Variants in GRIK2 observed in about 807,000 individuals in gnomAD.
The protein encoded by GRIK2 is glutamate ionotropic receptor kainate type subunit 2, also known as glutamate receptor ionotropic, kainate 2.
In GRIK2, 32 loss-of-function variants were observed where a neutral mutation model predicts 100.3. The observed-to-expected ratio is 0.32, with a 90% CI of 0.24 to 0.43. The LOEUF (loss-of-function observed/expected upper bound fraction) is 0.43. Ranked by LOEUF, GRIK2 falls within the 20% of genes least tolerant of loss-of-function variation. The pLI is 1.00. For missense variants in GRIK2, 843 were observed against 1,114.9 expected (o/e 0.76, Z 3.47); for synonymous variants, 417 against 389.4 (o/e 1.07, Z -0.83).
intron 4 of GRIK2, among the ~76,000 whole-genome samples, chr6:101,639,184 G>A (rs770051644): frequency 2.0e-5 from 3 of 151,940 alleles, no homozygotes; most frequent in Non-Finnish European, 4.4e-5. Flanking sequence ...CTACAGGCAC[G>A]TGCCACCATG....
chr6:101,600,192 T>C (rs1779138614), intron 2 of GRIK2, among the ~76,000 whole-genome samples: 1 of 151,816 alleles, frequency 6.6e-6, no homozygotes, highest in Non-Finnish European at 1.5e-5. Flanking sequence ...TCAACTTTGT[T>C]GAAGATCAGA....
chr6:101,686,492 C>A, intron 7 of GRIK2, 139 bp downstream of exon 7: 1 of 595,950 alleles, frequency 1.7e-6, no homozygotes, highest in Admixed American at 3.0e-5. Context: ...AGCTACAATG[C>A]AAATACTTGT....
At chr6:101,518,841 TG>T (rs1375325513) in intron 2 of GRIK2, among the ~76,000 whole-genome samples, 1 of 152,144 alleles carries the variant, frequency 6.6e-6, no homozygotes, top group Non-Finnish European at 1.5e-5. Context: ...AAGTGCTCCT[TG>T]ATTTAGAATC....
intron 14 of GRIK2, among the ~76,000 whole-genome samples, chr6:101,961,169 C>T (rs1386202910): frequency 6.6e-6 from 1 of 152,152 alleles, no homozygotes; most frequent in Non-Finnish European, 1.5e-5. Context: ...TTCAGATAGA[C>T]ATTGTAGTTC....
chr6:101,975,364 C>T (rs946490224), intron 14 of GRIK2, among the ~76,000 whole-genome samples: 1 of 151,828 alleles, frequency 6.6e-6, no homozygotes, highest in African/African-American at 2.4e-5. Flanking sequence ...GCACTTAATT[C>T]ACCAAGATTT....
At chr6:101,541,377 CACACACACACACACACACACACA>C (rs1775981489) in intron 2 of GRIK2, among the ~76,000 whole-genome samples, 2 of 145,234 alleles carry the variant, frequency 1.4e-5, no homozygotes, top group Non-Finnish European at 3.0e-5. Context: ...CGCACACAAC[CACACACACACACACACACACACA>C]CACACACACA....
rs547678850 is a variant in GRIK2, at chr6:101,867,111, T to C, written c.1524+7618T>C. On this transcript the variant is annotated intron_variant, in intron 11 of 16. Coordinates refer to ENST00000369134, the MANE Select transcript of GRIK2 (RefSeq NM_021956.5). ...CTCAGATTTAGTTCTTTCATCCACT[T>C]GTGGTTTGTTTATTAAGTCCATACT... Among the ~76,000 whole-genome samples the C allele has an allele frequency of 5.9e-5, 9 of 152,154 alleles. No homozygotes were observed. The South Asian group carries it at 1.9e-3, about 31-fold the overall frequency.
At chr6:101,736,028 C>T (rs1775609087) in intron 7 of GRIK2, among the ~76,000 whole-genome samples, 1 of 152,150 alleles carries the variant, frequency 6.6e-6, no homozygotes, top group African/African-American at 2.4e-5. Context: ...AGGCCCCATG[C>T]AAGTCCAAAA....
intron 4 of GRIK2, among the ~76,000 whole-genome samples, chr6:101,634,429 T>C (rs1780909138): frequency 6.6e-6 from 1 of 152,104 alleles, no homozygotes; most frequent in Non-Finnish European, 1.5e-5. Flanking sequence ...GAAACATCTA[T>C]GAAATATTCA....
At chr6:101,467,721 T>C (rs1771720166) in intron 2 of GRIK2, among the ~76,000 whole-genome samples, 1 of 152,226 alleles carries the variant, frequency 6.6e-6, no homozygotes, top group East Asian at 1.9e-4. Context: ...TCCCACCTTC[T>C]TGTATTATTC....
At chr6:101,665,542 C>T (rs1362969764) in intron 4 of GRIK2, among the ~76,000 whole-genome samples, 1 of 152,192 alleles carries the variant, frequency 6.6e-6, no homozygotes, top group Admixed American at 6.5e-5. Context: ...ATCAAAACAT[C>T]CTTGGCAAGT....
intron 14 of GRIK2, among the ~76,000 whole-genome samples, chr6:101,959,116 T>C (rs1370247575): frequency 2.6e-5 from 4 of 152,082 alleles, no homozygotes; most frequent in African/African-American, 9.7e-5. Context: ...ATAAAATTGA[T>C]TGATACCATC....
chr6:101,660,646 G>A (rs1233330716), intron 4 of GRIK2, among the ~76,000 whole-genome samples: 1 of 152,170 alleles, frequency 6.6e-6, no homozygotes, highest in African/African-American at 2.4e-5. Flanking sequence ...GTGACCTTCT[G>A]ATGGAGTTTT....
At chr6:101,765,624 A>G (rs1370625459) in intron 7 of GRIK2, among the ~76,000 whole-genome samples, 1 of 152,146 alleles carries the variant, frequency 6.6e-6, no homozygotes, top group Admixed American at 6.6e-5. Context: ...GGTACCTGCT[A>G]TGCTGTCTGG....
intron 2 of GRIK2, among the ~76,000 whole-genome samples, chr6:101,405,220 A>G (rs1313127944): frequency 6.6e-6 from 1 of 152,100 alleles, no homozygotes; most frequent in Non-Finnish European, 1.5e-5. Flanking sequence ...CCTTTAAAAG[A>G]CTCATTAATG....
intron 5 of GRIK2, among the ~76,000 whole-genome samples, chr6:101,680,092 A>G (rs750219512): frequency 6.6e-6 from 1 of 152,164 alleles, no homozygotes; most frequent in Non-Finnish European, 1.5e-5. Context: ...CTTGTTTTCA[A>G]AATCAAAAGC....
chr6:101,489,216 T>A (rs1772981180), intron 2 of GRIK2, among the ~76,000 whole-genome samples: 1 of 146,232 alleles, frequency 6.8e-6, no homozygotes, highest in South Asian at 2.1e-4. Context: ...ACAGCTTTAT[T>A]CTGTGAGTAA....
At chr6:101,840,941 T>G (rs1231176681) in intron 10 of GRIK2, among the ~76,000 whole-genome samples, 1 of 152,250 alleles carries the variant, frequency 6.6e-6, no homozygotes. Context: ...TCATGTTATA[T>G]GAAGAATACC....
chr6:101,871,714 CTT>C (rs35114994), intron 11 of GRIK2, among the ~76,000 whole-genome samples: 1 of 151,934 alleles, frequency 6.6e-6, no homozygotes, highest in Non-Finnish European at 1.5e-5. Context: ...TGATTTTGTC[CTT>C]TTTTATGGCT....
Sources: gnomAD v4.1 joint callset for allele counts (sites outside exome capture counted in the v4.1 genomes callset) on GRCh38, gnomAD v4.1.1 for gene constraint, MANE v1.5 for transcripts, NCBI Gene and HGNC (gene_info 2026-07-23, HGNC 2026-07-21) for gene names.